The following MTHFD1L variants were observed in gnomAD, a reference collection of about 807,000 sequenced individuals.
The protein encoded by MTHFD1L is methylenetetrahydrofolate dehydrogenase (NADP+ dependent) 1 like.
MTHFD1L carries 81 observed loss-of-function variants against 119.5 expected under a neutral mutation model. The ratio of observed to expected loss-of-function variants is 0.68; its 90% confidence interval spans 0.57 to 0.82. The LOEUF (loss-of-function observed/expected upper bound fraction) is 0.82. Ranked by LOEUF, MTHFD1L falls within the 40% of genes least tolerant of loss-of-function variation. The probability of loss-of-function intolerance (pLI) is 0.00; values close to 1 mark genes in which losing one functional copy is unlikely to be tolerated. For missense variants in MTHFD1L, 1,125 were observed against 1,253.4 expected (o/e 0.90, Z 1.55); for synonymous variants, 430 against 475.2 (o/e 0.90, Z 1.24).
intron 1 of MTHFD1L, among the ~76,000 whole-genome samples, chr6:150,867,475 T>G (rs1376318562): frequency 1.3e-5 from 2 of 152,186 alleles, no homozygotes; most frequent in African/African-American, 4.8e-5. Context: ...ACACGTCAGG[T>G]CATTAGGTTT....
chr6:150,915,693 C>T (rs995125213), intron 8 of MTHFD1L, among the ~76,000 whole-genome samples: 1 of 152,078 alleles, frequency 6.6e-6, no homozygotes, highest in African/African-American at 2.4e-5. Context: ...CTCTGGGTCC[C>T]GAGGTCAAGC....
chr6:150,870,017 G>A (rs1478725555), intron 1 of MTHFD1L, among the ~76,000 whole-genome samples: 4 of 152,098 alleles, frequency 2.6e-5, no homozygotes, highest in African/African-American at 4.8e-5. Context: ...TGATCCACCC[G>A]CCTTGGCCTC....
At chr6:151,069,657 G>T (rs1791738413) in intron 26 of MTHFD1L, among the ~76,000 whole-genome samples, 1 of 152,136 alleles carries the variant, frequency 6.6e-6, no homozygotes, top group African/African-American at 2.4e-5. Flanking sequence ...GTTAGCATCA[G>T]GTGTCCTTGG....
At chr6:150,978,277 C>CTG (rs1364285183) in intron 20 of MTHFD1L, among the ~76,000 whole-genome samples, 1 of 152,026 alleles carries the variant, frequency 6.6e-6, no homozygotes, top group Non-Finnish European at 1.5e-5. Context: ...AGAGAAAGAA[C>CTG]TGTTGGTGCA....
At chr6:150,884,125 G>C (rs989639876) in intron 5 of MTHFD1L, among the ~76,000 whole-genome samples, 1 of 151,128 alleles carries the variant, frequency 6.6e-6, no homozygotes, top group Non-Finnish European at 1.5e-5. Context: ...GGACAACATA[G>C]TGAGACCTCA....
intron 1 of MTHFD1L, among the ~76,000 whole-genome samples, chr6:150,872,528 A>G (rs1290736960): frequency 6.6e-6 from 1 of 152,158 alleles, no homozygotes; most frequent in Non-Finnish European, 1.5e-5. Context: ...ACCATCATGA[A>G]CCATCATGGC....
intron 8 of MTHFD1L, among the ~76,000 whole-genome samples, chr6:150,916,500 G>T (rs175859): frequency 0.7 from 34,686 of 49,488 alleles, 11,083 homozygotes; most frequent in East Asian, 0.75. Flanking sequence ...TTTTTTTTTT[G>T]GTATTTTTAG....
chr6:150,930,138 G>C (rs546829146), intron 11 of MTHFD1L, among the ~76,000 whole-genome samples: 1 of 149,856 alleles, frequency 6.7e-6, no homozygotes, highest in Admixed American at 6.7e-5. Context: ...GGCATGACGG[G>C]TTGTGCCTAT....
intron 7 of MTHFD1L, among the ~76,000 whole-genome samples, chr6:150,894,101 G>A (rs924584220): frequency 2.6e-5 from 4 of 152,100 alleles, no homozygotes; most frequent in African/African-American, 4.8e-5. Flanking sequence ...AATTAGCCAG[G>A]CGTGGTGGCT....
At chr6:150,870,323 T>C (rs1400028567) in intron 1 of MTHFD1L, among the ~76,000 whole-genome samples, 1 of 152,172 alleles carries the variant, frequency 6.6e-6, no homozygotes, top group Non-Finnish European at 1.5e-5. Flanking sequence ...CTTTCTTGCT[T>C]TGTCACTGTA....
chr6:150,953,358 G>GA (rs949522170), intron 16 of MTHFD1L, among the ~76,000 whole-genome samples: 4 of 152,146 alleles, frequency 2.6e-5, no homozygotes, highest in Admixed American at 1.3e-4. Context: ...TAAGCAAACA[G>GA]ATCTCCCCCG....
intron 24 of MTHFD1L, among the ~76,000 whole-genome samples, chr6:151,033,127 T>A (rs1262392889): frequency 6.6e-6 from 1 of 151,936 alleles, no homozygotes; most frequent in Non-Finnish European, 1.5e-5. Context: ...CTTTCTTTTT[T>A]TTTTTTTTTG....
intron 22 of MTHFD1L, among the ~76,000 whole-genome samples, chr6:151,014,028 AC>A (rs139761087): frequency 0.033 from 5,044 of 152,100 alleles, 294 homozygotes; most frequent in African/African-American, 0.12. Flanking sequence ...GCCAGGCAAA[AC>A]CCATGGCCAA....
intron 7 of MTHFD1L, among the ~76,000 whole-genome samples, chr6:150,891,558 A>G (rs1326676333): frequency 1.3e-5 from 2 of 148,240 alleles, no homozygotes; most frequent in Non-Finnish European, 3.0e-5. Flanking sequence ...TGTATTAATT[A>G]TATAATCCTT....
At chr6:150,948,790 GC>G (rs1794426141) in intron 15 of MTHFD1L, among the ~76,000 whole-genome samples, 2 of 139,092 alleles carry the variant, frequency 1.4e-5, no homozygotes, top group East Asian at 4.6e-4. Flanking sequence ...ACAGGCATGC[GC>G]CACCATGCCC....
intron 9 of MTHFD1L, among the ~76,000 whole-genome samples, chr6:150,919,111 T>C (rs1788470193): frequency 6.7e-6 from 1 of 148,746 alleles, no homozygotes; most frequent in Non-Finnish European, 1.5e-5. Context: ...TGTGGTGAGC[T>C]GAGATTGCAC....
In MTHFD1L at chr6:151,036,825, A is replaced by G. The variant is rs1255600508; in HGVS notation, c.2695-140A>G. 9 of 781,648 alleles carry G rather than the reference A, an allele frequency of 1.2e-5. No homozygotes were observed. The Admixed American group carries it at 1.6e-4, about 14-fold the overall frequency. The allele number at this position is 781,648 out of a possible 1,614,324, so 48.4% of individuals were successfully genotyped here. ...TCACCTTCTTGCTTCTTCAGTGAACAAGTAGTAACAAGCAGCTCCTGCGTG... is the reference window on the plus strand; with the variant it reads ...TCACCTTCTTGCTTCTTCAGTGAACGAGTAGTAACAAGCAGCTCCTGCGTG... On this transcript the variant is annotated intron_variant, in intron 25 of 27. Coordinates refer to ENST00000367321, the MANE Select transcript of MTHFD1L (RefSeq NM_015440.5).
chr6:150,920,939 ATTTTTTTTTTT>A (rs869169480), intron 9 of MTHFD1L, among the ~76,000 whole-genome samples: 3 of 96,874 alleles, frequency 3.1e-5, no homozygotes, highest in East Asian at 3.4e-4. Flanking sequence ...CACCCAGATA[ATTTTTTTTTTT>A]TTTTTTTTTT....
rs984340539 is a variant in MTHFD1L at position 150,935,027 on chromosome 6, T to C, written c.1257-1777T>C. ...TGTCCAACCTGCCTTCATTCAGTCCTTCCACATTGTTATTCTGGGTTTGGA... is the reference window on the plus strand; with the variant it reads ...TGTCCAACCTGCCTTCATTCAGTCCCTCCACATTGTTATTCTGGGTTTGGA... On this transcript the variant is annotated intron_variant, in intron 11 of 27. Coordinates refer to ENST00000367321, the MANE Select transcript of MTHFD1L (RefSeq NM_015440.5). The C allele has an allele frequency of 6.8e-6, 11 of 1,612,192 alleles. No individual in the cohort carries two copies. The African/African-American group carries it at 1.5e-4, about 22-fold the overall frequency.
Sources: gnomAD v4.1 joint callset for allele counts (sites outside exome capture counted in the v4.1 genomes callset) on GRCh38, gnomAD v4.1.1 for gene constraint, MANE v1.5 for transcripts, NCBI Gene and HGNC (gene_info 2026-07-23, HGNC 2026-07-21) for gene names.